CASC3: variants seen among roughly 807,000 people sequenced by gnomAD.
CASC3 encodes CASC3 exon junction complex subunit.
A neutral mutation model predicts 80.5 loss-of-function variants in CASC3; 30 were observed. The ratio of observed to expected loss-of-function variants is 0.37; its 90% CI spans 0.28 to 0.51. The LOEUF (loss-of-function observed/expected upper bound fraction) is 0.51, where lower values mean the gene tolerates loss of function less well. CASC3 is among the 20% of genes least tolerant of loss of function. The pLI, the probability that CASC3 is intolerant of heterozygous loss-of-function variation, is 0.94. For missense variants in CASC3, 824 were observed against 922.2 expected, an observed-to-expected ratio of 0.89 and a Z score of 1.38; for synonymous variants, 312 against 333.6, an observed-to-expected ratio of 0.94 and a Z score of 0.70.
intron 3 of CASC3, among the ~76,000 whole-genome samples, chr17:40,158,639 A>T (rs1989211359): frequency 6.6e-6 from 1 of 152,116 alleles, no homozygotes; most frequent in Non-Finnish European, 1.5e-5. Context: ...TTGTGTGTAG[A>T]CCCAGCACTT....
intron 3 of CASC3, among the ~76,000 whole-genome samples, chr17:40,150,974 C>G (rs1433232495): frequency 6.6e-6 from 1 of 152,026 alleles, no homozygotes; most frequent in Non-Finnish European, 1.5e-5. Flanking sequence ...GATCACGCCA[C>G]TGCACTCCAG....
intron 3 of CASC3, among the ~76,000 whole-genome samples, chr17:40,144,075 A>G (rs935083260): frequency 1.3e-5 from 2 of 151,952 alleles, no homozygotes; most frequent in East Asian, 3.9e-4. Context: ...AACATGGCGA[A>G]ACCCATTTTC....
chr17:40,140,789 C>T lies in CASC3; in HGVS notation c.231+10C>T. The T allele has an allele frequency of 9.4e-7, 1 of 1,069,440 alleles. No homozygotes were observed. Among genetic ancestry groups the T allele is most frequent in the Non-Finnish European group, 1.2e-6 (1 of 857,198 alleles). The allele number at this position is 1,069,440 out of a possible 1,614,324, so 66.2% of individuals were successfully genotyped here. A position where few individuals can be genotyped will look rare whatever the true frequency, so the allele number is the denominator to read the frequency against. On this transcript the variant is annotated intron_variant, in intron 1 of 13. Coordinates refer to ENST00000264645, the MANE Select transcript of CASC3 (RefSeq NM_007359.5). ...TGAGGAGTCGGAGTGTGTGAGTGCGCGCAGGCGGGGCGGGGTGGGGACCGG... is the reference window on the plus strand; with the variant it reads ...TGAGGAGTCGGAGTGTGTGAGTGCGTGCAGGCGGGGCGGGGTGGGGACCGG...
intron 10 of CASC3, 73 bp from the exon 11 acceptor site, chr17:40,168,130 G>T: frequency 1.4e-6 from 2 of 1,412,962 alleles, no homozygotes; most frequent in South Asian, 1.2e-5. Flanking sequence ...TGATTATACT[G>T]AGCAGTCCAG....
At chr17:40,164,286 CAG>C (rs1318034224) in intron 7 of CASC3, 120 bp downstream of exon 7, 15 of 884,480 alleles carry the variant, frequency 1.7e-5, no homozygotes, top group Admixed American at 2.9e-5. Context: ...TTTTTTGAGA[CAG>C]AGTCTCACTC....
intron 3 of CASC3, among the ~76,000 whole-genome samples, chr17:40,145,698 G>A (rs1417384273): frequency 6.6e-6 from 1 of 151,764 alleles, no homozygotes; most frequent in East Asian, 1.9e-4. Flanking sequence ...TCCAGCCTGG[G>A]CAACAGAGCA....
At chr17:40,141,325 G>C in intron 2 of CASC3, 91 bp downstream of exon 2, 1 of 1,255,430 alleles carries the variant, frequency 8.0e-7, no homozygotes, top group Non-Finnish European at 1.2e-6. Context: ...CTCACACACT[G>C]TCACGGATTT....
At chr17:40,148,936 C>T (rs1003427900) in intron 3 of CASC3, among the ~76,000 whole-genome samples, 5 of 152,038 alleles carry the variant, frequency 3.3e-5, no homozygotes, top group South Asian at 2.1e-4. Flanking sequence ...GTCTTGCTGT[C>T]GCCCAGGCTG....
chr17:40,143,086 CA>C (rs59510595), intron 3 of CASC3, among the ~76,000 whole-genome samples: 10,346 of 108,924 alleles, frequency 0.095, 726 homozygotes, highest in African/African-American at 0.24. Flanking sequence ...GACTCTGTCT[CA>C]AAAAAAAAAA....
intron 13 of CASC3, 80 bp downstream of exon 13, chr17:40,169,742 C>CTTTTTTTTTTTTTTTTTTTT (rs56186811): frequency 2.2e-5 from 2 of 91,808 alleles, no homozygotes; most frequent in African/African-American, 1.7e-4. Flanking sequence ...TTAATTAATG[C>CTTTTTTTTTTTTTTTTTTTT]TTTTTTTTTT....
chr17:40,142,713 C>G (rs563907097), intron 3 of CASC3, among the ~76,000 whole-genome samples: 36 of 152,170 alleles, frequency 2.4e-4, no homozygotes, highest in Admixed American at 2.4e-3. Flanking sequence ...ATGGTGAAAC[C>G]CCGTCCCTAC....
chr17:40,169,094 T>C, intron 11 of CASC3: 1 of 436,264 alleles, frequency 2.3e-6, no homozygotes, highest in Non-Finnish European at 4.0e-6. Context: ...CAGCTGATGG[T>C]AGGAATTAGA....
At chr17:40,166,444 T>G (rs918881370) in intron 7 of CASC3, among the ~76,000 whole-genome samples, 1 of 152,212 alleles carries the variant, frequency 6.6e-6, no homozygotes, top group African/African-American at 2.4e-5. Context: ...CAGAAACTCT[T>G]GGGCTGAGAT....
chr17:40,141,106 C>T (rs1352232252), intron 1 of CASC3, 101 bp from the exon 2 acceptor site: 1 of 1,121,884 alleles, frequency 8.9e-7, no homozygotes, highest in Non-Finnish European at 1.4e-6. Context: ...CCCTCTCCAA[C>T]CATTTTGTGC....
At position 40,140,861 on chromosome 17, in the gene CASC3, G is replaced by C. The variant is rs566252028; in HGVS notation, c.231+82G>C. On this transcript the variant is annotated intron_variant, in intron 1 of 13. Coordinates refer to ENST00000264645, the MANE Select transcript of CASC3 (RefSeq NM_007359.5). ...GGGTGTAGGTGATGCTAGGTAGTCTGTGAGTTGATAGTAGATACTGGGACT... is the reference window on the plus strand; with the variant it reads ...GGGTGTAGGTGATGCTAGGTAGTCTCTGAGTTGATAGTAGATACTGGGACT... 18 of 1,091,168 alleles carry C rather than the reference G, an allele frequency of 1.6e-5. No homozygotes were observed. In the East Asian group the frequency reaches 4.9e-4, roughly 30 times the overall value. The allele number at this position is 1,091,168 out of a possible 1,614,324, so 67.6% of individuals were successfully genotyped here.
chr17:40,170,986 C>T lies in CASC3; in HGVS notation c.*581C>T. 1 of 985,466 alleles carries T rather than the reference C, an allele frequency of 1.0e-6. No individual in the cohort carries two copies. The highest frequency in any genetic ancestry group is 1.2e-6 in the Non-Finnish European group (1 of 829,912). The allele number at this position is 985,466 out of a possible 1,614,324, so 61.0% of individuals were successfully genotyped here. A position where few individuals can be genotyped will look rare whatever the true frequency, so the allele number is the denominator to read the frequency against. On this transcript the variant is annotated 3_prime_UTR_variant, in exon 14 of 14. Coordinates refer to ENST00000264645, the MANE Select transcript of CASC3 (RefSeq NM_007359.5). ...GAATGTATCAGCCAGCCTTCCCCACCAAGTCTAAAAAGACCTGGCCTTTCA... is the reference window on the plus strand; with the variant it reads ...GAATGTATCAGCCAGCCTTCCCCACTAAGTCTAAAAAGACCTGGCCTTTCA...
chr17:40,165,220 G>T (rs1283751814), intron 7 of CASC3, among the ~76,000 whole-genome samples: 1 of 150,896 alleles, frequency 6.6e-6, no homozygotes. Context: ...ACCGTGCCTG[G>T]CCCACACCTA....
chr17:40,169,305 C>G lies in CASC3; in HGVS notation c.1966-19C>G. The G allele has an allele frequency of 6.6e-7, 1 of 1,521,130 alleles. No individual in the cohort carries two copies. The highest frequency in any genetic ancestry group is 2.3e-5 in the Admixed American group (1 of 43,034). 94.2% of individuals were successfully genotyped at this position (1,521,130 alleles called of 1,614,324 possible). On this transcript the variant is annotated intron_variant, in intron 11 of 13. Transcript: ENST00000264645. ...AATTCATTCCTAACTTTTTCTTCTCCTGGCTTGTGGGGTCCCAGGCCCCAT... is the reference window on the plus strand; with the variant it reads ...AATTCATTCCTAACTTTTTCTTCTCGTGGCTTGTGGGGTCCCAGGCCCCAT...
In CASC3 at chr17:40,166,235, C is replaced by G. The variant is rs181272063; in HGVS notation, c.1472-562C>G. On this transcript the variant is annotated intron_variant, in intron 7 of 13. Coordinates refer to ENST00000264645, the MANE Select transcript of CASC3 (RefSeq NM_007359.5). ...AAAGGATCTTCCCTTAGTCTGAAAT[C>G]TAACTTAAATATTGGAACTCCTCAA... 2.0e-5 allele frequency among the ~76,000 whole-genome samples: 3 copies of G among 152,288 alleles called. No individual in the cohort carries two copies. In the East Asian group the frequency reaches 5.8e-4, roughly 29 times the overall value.
Sources: allele counts gnomAD v4.1 joint callset (sites outside exome capture counted in the v4.1 genomes callset), GRCh38; gene constraint gnomAD v4.1.1; transcripts MANE v1.5; gene names NCBI Gene and HGNC (gene_info 2026-07-23, HGNC 2026-07-21).